EVI5: variants seen among roughly 807,000 people sequenced by gnomAD.
The protein encoded by EVI5 is ecotropic viral integration site 5, also known as ecotropic viral integration site 5 protein homolog.
A neutral mutation model predicts 112.0 loss-of-function variants in EVI5; 73 were observed. That is an observed-to-expected ratio of 0.65 (90% CI 0.54 to 0.79). The LOEUF (loss-of-function observed/expected upper bound fraction) is 0.79, where lower values mean the gene tolerates loss of function less well. Ranked by LOEUF, EVI5 falls within the 30% of genes least tolerant of loss-of-function variation. The probability of loss-of-function intolerance (pLI) is 0.00; values close to 1 mark genes in which losing one functional copy is unlikely to be tolerated. For synonymous variants in EVI5, 305 were observed against 319.9 expected (o/e 0.95, Z 0.50); for missense variants, 900 against 968.8 (o/e 0.93, Z 0.94).
Position 92,510,824 on chromosome 1 carries a change from T to C in EVI5, c.*2832A>G, listed in dbSNP as rs201623662. 6.6e-6 allele frequency: 1 copy of C among 152,220 alleles called. No individual in the cohort carries two copies. Among genetic ancestry groups the C allele is most frequent in the Non-Finnish European group, 1.5e-5 (1 of 68,050 alleles). The allele number at this position is 152,220 out of a possible 1,614,324, so 9.4% of individuals were successfully genotyped here. A position where few individuals can be genotyped will look rare whatever the true frequency, so the allele number is the denominator to read the frequency against. ...GTCTTTGGAATTTTTTTCCCAACTA[T>C]TTAAAAAAGTAAAAACTGGCAGCTG... On this transcript the variant is annotated 3_prime_UTR_variant, in exon 20 of 20. Coordinates refer to ENST00000684568, the MANE Select transcript of EVI5 (RefSeq NM_001350197.2).
At chr1:92,627,511 C>A (rs536289561) in intron 14 of EVI5, among the ~76,000 whole-genome samples, 1 of 152,118 alleles carries the variant, frequency 6.6e-6, no homozygotes, top group Admixed American at 6.5e-5. Flanking sequence ...CAAATAATGA[C>A]CTTTTCTTCC....
chr1:92,748,149 C>A (rs1287102701), intron 1 of EVI5, among the ~76,000 whole-genome samples: 1 of 152,136 alleles, frequency 6.6e-6, no homozygotes, highest in East Asian at 1.9e-4. Flanking sequence ...ACATCCCCTC[C>A]CCTTGAGCCC....
Position 92,563,747 on chromosome 1 carries a change from G to C in EVI5, c.2071-10C>G. ...GCTTTCCTTCTTCTTTCTGTTTTGTGACAAAACAACAAAGCAAAAACAAGA... is the reference window on the plus strand; with the variant it reads ...GCTTTCCTTCTTCTTTCTGTTTTGTCACAAAACAACAAAGCAAAAACAAGA... On this transcript the variant is annotated splice_polypyrimidine_tract_variant and intron_variant, in intron 18 of 19. Coordinates refer to ENST00000684568, the MANE Select transcript of EVI5 (RefSeq NM_001350197.2). 1 of 1,573,476 alleles carries C rather than the reference G, an allele frequency of 6.4e-7. No individual in the cohort carries two copies. The highest frequency in any genetic ancestry group is 1.1e-5 in the South Asian group (1 of 88,392).
At chr1:92,643,152 G>A (rs1397739444) in intron 13 of EVI5, among the ~76,000 whole-genome samples, 2 of 151,820 alleles carry the variant, frequency 1.3e-5, no homozygotes, top group South Asian at 2.1e-4. Flanking sequence ...TACATCTAGG[G>A]GCTTCTTGGA....
intron 9 of EVI5, among the ~76,000 whole-genome samples, chr1:92,678,605 T>C (rs899922025): frequency 1.1e-4 from 17 of 152,140 alleles, no homozygotes; most frequent in Non-Finnish European, 1.8e-4. Flanking sequence ...CTGTCACTGA[T>C]TGGAGGAGAG....
chr1:92,622,241 A>G (rs575783335), intron 16 of EVI5: 29 of 366,062 alleles, frequency 7.9e-5, no homozygotes, highest in African/African-American at 6.3e-4. Flanking sequence ...TAGTATTTTG[A>G]TAACTGTACC....
At chr1:92,661,626 G>A (rs1436588701) in intron 13 of EVI5, among the ~76,000 whole-genome samples, 1 of 151,550 alleles carries the variant, frequency 6.6e-6, no homozygotes, top group Non-Finnish European at 1.5e-5. Context: ...AGCAAAATAT[G>A]AGTTCCCTTC....
chr1:92,743,369 A>G (rs894814828), intron 1 of EVI5, among the ~76,000 whole-genome samples: 4 of 152,120 alleles, frequency 2.6e-5, no homozygotes, highest in African/African-American at 9.7e-5. Flanking sequence ...AAAGGGAAGG[A>G]AATTCTGACA....
chr1:92,574,992 A>G (rs1670834275), intron 18 of EVI5, among the ~76,000 whole-genome samples: 1 of 152,182 alleles, frequency 6.6e-6, no homozygotes, highest in Non-Finnish European at 1.5e-5. Flanking sequence ...TTATTTTTTG[A>G]GCATTTAATC....
intron 2 of EVI5, among the ~76,000 whole-genome samples, chr1:92,726,241 A>C (rs940497250): frequency 6.6e-6 from 1 of 152,218 alleles, no homozygotes. Flanking sequence ...ACATGGAAAA[A>C]ACAATGACAC....
chr1:92,590,340 C>A (rs1004124811), intron 18 of EVI5, among the ~76,000 whole-genome samples: 2 of 152,006 alleles, frequency 1.3e-5, no homozygotes, highest in Non-Finnish European at 2.9e-5. Flanking sequence ...AAGTTCGAAC[C>A]CATGGCAAAG....
intron 1 of EVI5, among the ~76,000 whole-genome samples, chr1:92,781,876 T>C (rs9439922): frequency 1 from 149,361 of 149,638 alleles, 74,544 homozygotes; most frequent in Non-Finnish European, 1. Context: ...AATACCTGAG[T>C]CTTGGGAGAT....
At chr1:92,660,345 T>C (rs1572157763) in intron 13 of EVI5, among the ~76,000 whole-genome samples, 1 of 151,988 alleles carries the variant, frequency 6.6e-6, no homozygotes, top group East Asian at 1.9e-4. Flanking sequence ...TACCACATGA[T>C]CTCACTCATA....
At chr1:92,738,325 TAA>T (rs932515580) in intron 1 of EVI5, among the ~76,000 whole-genome samples, 9 of 151,928 alleles carry the variant, frequency 5.9e-5, no homozygotes, top group African/African-American at 2.2e-4. Context: ...CTCTAATATT[TAA>T]AAAGAGAAAA....
intron 19 of EVI5, among the ~76,000 whole-genome samples, chr1:92,552,840 C>T (rs776633322): frequency 2.6e-5 from 4 of 151,920 alleles, no homozygotes; most frequent in South Asian, 4.2e-4. Context: ...TTTTTAATTG[C>T]GATTTTTTTC....
chr1:92,562,110 T>G (rs1668731219), intron 19 of EVI5, among the ~76,000 whole-genome samples: 1 of 152,244 alleles, frequency 6.6e-6, no homozygotes, highest in African/African-American at 2.4e-5. Flanking sequence ...TGCTTTATTT[T>G]AATCACAATT....
intron 2 of EVI5, among the ~76,000 whole-genome samples, chr1:92,716,856 A>C (rs1673786864): frequency 6.9e-6 from 1 of 145,248 alleles, no homozygotes; most frequent in Non-Finnish European, 1.5e-5. Context: ...TCGATTCTAA[A>C]AACCAGAGCG....
At chr1:92,727,946 A>G (rs1675837245) in intron 2 of EVI5, among the ~76,000 whole-genome samples, 1 of 151,722 alleles carries the variant, frequency 6.6e-6, no homozygotes, top group Non-Finnish European at 1.5e-5. Flanking sequence ...GTGAGCCATG[A>G]TCATACCATT....
chr1:92,689,858 C>G (rs1215999178), intron 9 of EVI5, among the ~76,000 whole-genome samples: 1 of 152,090 alleles, frequency 6.6e-6, no homozygotes, highest in Admixed American at 6.5e-5. Flanking sequence ...ACTCTTTTCT[C>G]TGGAAATTGG....
Sources: allele counts gnomAD v4.1 joint callset (sites outside exome capture counted in the v4.1 genomes callset), GRCh38; gene constraint gnomAD v4.1.1; transcripts MANE v1.5; gene names NCBI Gene and HGNC (gene_info 2026-07-23, HGNC 2026-07-21).